Variants in CSMD1 observed in about 807,000 individuals in gnomAD.
CSMD1 encodes the protein CUB and Sushi multiple domains 1.
Under a neutral mutation model 417.5 loss-of-function variants are expected in CSMD1, and 213 were observed. The observed-to-expected ratio is 0.51, with a 90% CI of 0.46 to 0.57. CSMD1 has a LOEUF of 0.57. Ranked by LOEUF, CSMD1 falls within the 20% of genes least tolerant of loss-of-function variation. The pLI, the probability that CSMD1 is intolerant of heterozygous loss-of-function variation, is 0.00. For synonymous variants in CSMD1, 2,862 were observed against 1,736.8 expected (o/e 1.65, Z -16.11); for missense variants, 6,923 against 4,529.7 (o/e 1.53, Z -15.17).
At chr8:3,655,443 C>T (rs2449210) in intron 7 of CSMD1, among the ~76,000 whole-genome samples, 70,771 of 152,052 alleles carry the variant, frequency 0.47, 17,229 homozygotes, top group Middle Eastern at 0.56. Flanking sequence ...TAGCATATTT[C>T]ATTACTCTAC....
At position 3,982,730 on chromosome 8, in the gene CSMD1, G is replaced by A. The variant is rs556229623; in HGVS notation, c.818+15173C>T. 5.3e-5 allele frequency among the ~76,000 whole-genome samples: 8 copies of A among 152,254 alleles called. No individual in the cohort carries two copies. The South Asian group carries it at 1.5e-3, about 28-fold the overall frequency. ...AGGCAGAGGGAAGCACCCGGCATCT[G>A]TAGGAGGCTTAACGTGGAAGGAGCT... On this transcript the variant is annotated intron_variant, in intron 5 of 69. Transcript: ENST00000635120.
At chr8:4,276,941 T>C (rs747828047) in intron 3 of CSMD1, among the ~76,000 whole-genome samples, 1 of 152,196 alleles carries the variant, frequency 6.6e-6, no homozygotes, top group Non-Finnish European at 1.5e-5. Context: ...AGCCTGTGTA[T>C]GTTTTCGTAT....
At chr8:4,162,073 T>A (rs1183625826) in intron 3 of CSMD1, among the ~76,000 whole-genome samples, 2 of 152,214 alleles carry the variant, frequency 1.3e-5, no homozygotes, top group African/African-American at 2.4e-5. Context: ...GATAAGCAAG[T>A]AAGCATTAAG....
chr8:3,000,864 A>G (rs1807341947), intron 52 of CSMD1, among the ~76,000 whole-genome samples: 1 of 152,216 alleles, frequency 6.6e-6, no homozygotes, highest in African/African-American at 2.4e-5. Flanking sequence ...TTAAGGGGAG[A>G]CAGAATGTCC....
chr8:4,407,376 G>C (rs1805104575), intron 3 of CSMD1, among the ~76,000 whole-genome samples: 1 of 152,148 alleles, frequency 6.6e-6, no homozygotes, highest in South Asian at 2.1e-4. Flanking sequence ...TATGACTCTT[G>C]TTTAACAGGC....
At chr8:3,250,076 A>T (rs1158809266) in intron 26 of CSMD1, among the ~76,000 whole-genome samples, 1 of 152,236 alleles carries the variant, frequency 6.6e-6, no homozygotes, top group Non-Finnish European at 1.5e-5. Flanking sequence ...ATTTTTAATT[A>T]TACTTTGTTT....
intron 23 of CSMD1, among the ~76,000 whole-genome samples, chr8:3,324,591 A>AAGGGGAG (rs1806397128): frequency 6.6e-6 from 1 of 150,554 alleles, no homozygotes; most frequent in Admixed American, 6.6e-5. Flanking sequence ...GGGACCCAGG[A>AAGGGGAG]GTGGGAGTTT....
chr8:4,395,630 A>G (rs1804150699), intron 3 of CSMD1, among the ~76,000 whole-genome samples: 1 of 152,052 alleles, frequency 6.6e-6, no homozygotes, highest in African/African-American at 2.4e-5. Context: ...CATTATACTA[A>G]TACTTCTATC....
chr8:4,268,517 A>C (rs1172383572), intron 3 of CSMD1, among the ~76,000 whole-genome samples: 4 of 152,174 alleles, frequency 2.6e-5, no homozygotes, highest in African/African-American at 9.7e-5. Flanking sequence ...AACAAGTAGT[A>C]GTCAAAATGA....
chr8:4,490,300 A>G (rs1296753482), intron 2 of CSMD1, among the ~76,000 whole-genome samples: 2 of 152,132 alleles, frequency 1.3e-5, no homozygotes, highest in Non-Finnish European at 2.9e-5. Context: ...TCGGCCTCCC[A>G]AAGTGCTGGG....
intron 30 of CSMD1, among the ~76,000 whole-genome samples, chr8:3,212,254 C>G (rs1230146435): frequency 3.3e-5 from 5 of 152,074 alleles, no homozygotes; most frequent in Non-Finnish European, 5.9e-5. Context: ...CAAAAGTCTC[C>G]CAAAGCAAGT....
rs577032879 is a variant in CSMD1, at chr8:3,624,477, T to C, written c.1010-7680A>G. Reference sequence around the variant, plus strand: ...CTTTTTAGCACGAAGGCACTTACGATTGATTATTATTGTCTATTTTCATTG... The same window carrying C: ...CTTTTTAGCACGAAGGCACTTACGACTGATTATTATTGTCTATTTTCATTG... On this transcript the variant is annotated intron_variant, in intron 7 of 69. Transcript: ENST00000635120. Among the ~76,000 whole-genome samples the C allele has an allele frequency of 1.1e-4, 16 of 152,306 alleles. No individual in the cohort carries two copies. The Middle Eastern group carries it at 0.01, about 97-fold the overall frequency.
intron 5 of CSMD1, among the ~76,000 whole-genome samples, chr8:3,877,516 C>T (rs920899979): frequency 9.9e-5 from 15 of 152,092 alleles, no homozygotes; most frequent in African/African-American, 3.6e-4. Flanking sequence ...TTATGGATAC[C>T]CTCAAGCTTC....
intron 3 of CSMD1, among the ~76,000 whole-genome samples, chr8:4,079,201 G>C (rs539827194): frequency 6.6e-6 from 1 of 152,178 alleles, no homozygotes; most frequent in South Asian, 2.1e-4. Flanking sequence ...AGTCTATAGA[G>C]ACATGCCCAC....
chr8:4,559,836 T>C lies in CSMD1; in HGVS notation c.302+77506A>G, dbSNP rs141041891. Among the ~76,000 whole-genome samples the C allele has an allele frequency of 1.9e-3, 285 of 152,358 alleles. 2 individuals are homozygous for C. Among genetic ancestry groups the C allele is most frequent in the African/African-American group, 6.6e-3 (273 of 41,582 alleles). ...TGTTCACTTCGTGAAATTCTATTCA[T>C]CTTACCTTTCTCCACTTCATGCCCC... On this transcript the variant is annotated intron_variant, in intron 2 of 69. Transcript: ENST00000635120.
intron 3 of CSMD1, among the ~76,000 whole-genome samples, chr8:4,215,998 T>C (rs554513287): frequency 2.7e-4 from 41 of 152,314 alleles, no homozygotes; most frequent in Admixed American, 1.0e-3. Context: ...GTGGTGCCCA[T>C]TTCAGCCACA....
At chr8:4,440,720 G>C (rs1165012423) in intron 2 of CSMD1, among the ~76,000 whole-genome samples, 2 of 152,156 alleles carry the variant, frequency 1.3e-5, no homozygotes, top group Non-Finnish European at 2.9e-5. Context: ...TTCTGGCCGG[G>C]TGTGGTGGTT....
At chr8:3,929,034 C>A (rs1809952166) in intron 5 of CSMD1, among the ~76,000 whole-genome samples, 1 of 150,374 alleles carries the variant, frequency 6.7e-6, no homozygotes, top group Non-Finnish European at 1.5e-5. Flanking sequence ...ACTCTCAGGG[C>A]CATCAGCATT....
Position 3,399,411 on chromosome 8 carries a change from A to G in CSMD1, c.2385T>C (p.Ser795=), listed in dbSNP as rs1263307246. 4 of 1,606,128 alleles carry G rather than the reference A, an allele frequency of 2.5e-6. No individual in the cohort carries two copies. The highest frequency in any genetic ancestry group is 1.7e-6 in the Non-Finnish European group (2 of 1,176,766). Residue 795 remains serine, a synonymous_variant, in exon 16 of 70, where the codon TCT becomes TCC. Coordinates refer to ENST00000635120, the MANE Select transcript of CSMD1 (RefSeq NM_033225.6). ...EWIIEAKPGH[S]IKITFDRFQT... Reference sequence around the variant, plus strand: ...CTTACCTGTCAAAAGTTATTTTGATAGAGTGGCCTGGTTTTGCTTCAATTA... The same window carrying G: ...CTTACCTGTCAAAAGTTATTTTGATGGAGTGGCCTGGTTTTGCTTCAATTA...
Sources: allele counts gnomAD v4.1 joint callset (sites outside exome capture counted in the v4.1 genomes callset), GRCh38; gene constraint gnomAD v4.1.1; transcripts MANE v1.5; gene names NCBI Gene and HGNC (gene_info 2026-07-23, HGNC 2026-07-21).